NEK11: variants seen among roughly 807,000 people sequenced by gnomAD.
The protein encoded by NEK11 is serine/threonine-protein kinase Nek11.
NEK11 carries 72 observed loss-of-function variants against 80.7 expected under a neutral mutation model. That is an observed-to-expected ratio of 0.89 (90% CI 0.74 to 1.08). The LOEUF (loss-of-function observed/expected upper bound fraction) is 1.08, where lower values mean the gene tolerates loss of function less well. Among genes scored for constraint, NEK11 ranks in the 50% least tolerant of loss-of-function variants. The probability of loss-of-function intolerance (pLI) is 0.00; values close to 1 mark genes in which losing one functional copy is unlikely to be tolerated. For missense variants in NEK11, 764 were observed against 763.6 expected, an observed-to-expected ratio of 1.00 and a Z score of -0.01; for synonymous variants, 251 against 260.7, an observed-to-expected ratio of 0.96 and a Z score of 0.36.
rs546991796 is a variant in NEK11, at chr3:131,155,912, A to G, written c.962+791A>G. ...TTTGCATGATCTCCAGTTAAGATAC[A>G]CTATATACCACAGGGGGTAAATTTT... On this transcript the variant is annotated intron_variant, in intron 10 of 17. Transcript: ENST00000383366. 2.0e-5 allele frequency among the ~76,000 whole-genome samples: 3 copies of G among 152,316 alleles called. No individual in the cohort carries two copies. In the South Asian group the frequency reaches 6.2e-4, roughly 32 times the overall value.
chr3:131,193,064 A>T (rs2093862345), intron 14 of NEK11, among the ~76,000 whole-genome samples: 1 of 152,222 alleles, frequency 6.6e-6, no homozygotes, highest in African/African-American at 2.4e-5. Flanking sequence ...AACAGAATTT[A>T]AAAATAGTCA....
rs571566211 is a variant in NEK11 at position 131,272,090 on chromosome 3, A to G, written c.1622-1388A>G. Reference sequence around the variant, plus strand: ...ATTCCAGCCTGGGCAACAAGAGCGAAACTCCGTCTCAAAAAAAAGAAGAAG... The same window carrying G: ...ATTCCAGCCTGGGCAACAAGAGCGAGACTCCGTCTCAAAAAAAAGAAGAAG... On this transcript the variant is annotated intron_variant, in intron 16 of 17. Transcript: ENST00000383366. 5.3e-5 allele frequency among the ~76,000 whole-genome samples: 8 copies of G among 152,240 alleles called. No individual in the cohort carries two copies. The East Asian group carries it at 1.5e-3, about 29-fold the overall frequency.
rs186146290 is a variant in NEK11 at position 131,201,929 on chromosome 3, G to A, written c.1400-26599G>A. Reference sequence around the variant, plus strand: ...TGCTCGCTGCAATCTCTGCCTCACCGGATTCAAGCGATTCTCTGCCTCAGC... The same window carrying A: ...TGCTCGCTGCAATCTCTGCCTCACCAGATTCAAGCGATTCTCTGCCTCAGC... On this transcript the variant is annotated intron_variant, in intron 14 of 17. Transcript: ENST00000383366. 4.1e-4 allele frequency among the ~76,000 whole-genome samples: 62 copies of A among 152,202 alleles called. 1 individual carries two copies. Among genetic ancestry groups the A allele is most frequent in the Non-Finnish European group, 6.8e-4 (46 of 67,994 alleles).
chr3:131,256,360 A>C (rs1490405263), intron 16 of NEK11, among the ~76,000 whole-genome samples: 1 of 152,210 alleles, frequency 6.6e-6, no homozygotes, highest in Non-Finnish European at 1.5e-5. Context: ...TGAAAACAAA[A>C]TTTAAAACAT....
chr3:131,258,262 A>G (rs2095853072), intron 16 of NEK11, among the ~76,000 whole-genome samples: 2 of 152,126 alleles, frequency 1.3e-5, no homozygotes, highest in Non-Finnish European at 2.9e-5. Context: ...AACCATCACT[A>G]AAGAACTTAT....
chr3:131,150,257 G>C (rs766104970), intron 7 of NEK11, among the ~76,000 whole-genome samples: 14 of 151,266 alleles, frequency 9.3e-5, no homozygotes, highest in Non-Finnish European at 1.9e-4. Context: ...TGTCAATTTT[G>C]GTAAATGTTC....
At chr3:131,285,875 T>C in intron 17 of NEK11, among the ~76,000 whole-genome samples, 1 of 152,252 alleles carries the variant, frequency 6.6e-6, no homozygotes, top group Non-Finnish European at 1.5e-5. Flanking sequence ...GATAAATCGC[T>C]ATAATGAGAA....
intron 12 of NEK11, among the ~76,000 whole-genome samples, chr3:131,166,686 G>A (rs1300221515): frequency 6.6e-6 from 1 of 152,156 alleles, no homozygotes; most frequent in African/African-American, 2.4e-5. Flanking sequence ...TGTGGGATCT[G>A]TTGCAGGCTA....
intron 3 of NEK11, among the ~76,000 whole-genome samples, chr3:131,077,838 C>G (rs928192984): frequency 1.3e-5 from 2 of 152,166 alleles, no homozygotes; most frequent in African/African-American, 2.4e-5. Flanking sequence ...AAATGCCACT[C>G]CTAATAACAT....
chr3:131,269,630 G>A (rs1346098787), intron 16 of NEK11, among the ~76,000 whole-genome samples: 2 of 152,220 alleles, frequency 1.3e-5, no homozygotes, highest in African/African-American at 4.8e-5. Flanking sequence ...CCCGCCTTCT[G>A]TGTTGATCTC....
At chr3:131,163,966 C>A (rs1466656168) in intron 11 of NEK11, among the ~76,000 whole-genome samples, 1 of 151,928 alleles carries the variant, frequency 6.6e-6, no homozygotes, top group African/African-American at 2.4e-5. Context: ...GTTTAGGAGC[C>A]CCAATCAAGA....
rs567174139 is a variant in NEK11, at chr3:131,333,130, C to T, written c.1719-16427C>T. ...AAATACAGAGAACACCACAAAGATA[C>T]TCCTCAAGAAGAGCAACTCCAAGAC... On this transcript the variant is annotated intron_variant, in intron 17 of 17. Coordinates refer to ENST00000383366, the MANE Select transcript of NEK11 (RefSeq NM_024800.5). 8.9e-3 allele frequency among the ~76,000 whole-genome samples: 1,353 copies of T among 152,248 alleles called. 7 individuals are homozygous for T. Among genetic ancestry groups the T allele is most frequent in the Non-Finnish European group, 0.011 (736 of 68,024 alleles).
At chr3:131,310,702 C>G (rs370898211) in intron 17 of NEK11, among the ~76,000 whole-genome samples, 2 of 152,046 alleles carry the variant, frequency 1.3e-5, no homozygotes, top group Admixed American at 1.3e-4. Context: ...TCTAAAACAT[C>G]TGCAGAAAAA....
intron 16 of NEK11, among the ~76,000 whole-genome samples, chr3:131,271,816 T>C (rs543679694): frequency 7.3e-6 from 1 of 136,196 alleles, no homozygotes; most frequent in African/African-American, 2.8e-5. Context: ...AAAGGTCGGG[T>C]GTGGTGGCTC....
At chr3:131,141,659 A>G (rs537560469) in intron 7 of NEK11, among the ~76,000 whole-genome samples, 3 of 152,334 alleles carry the variant, frequency 2.0e-5, no homozygotes, top group South Asian at 2.1e-4. Context: ...TTTAAAATAT[A>G]TACTGGGAAT....
At chr3:131,300,293 G>A (rs2096646664) in intron 17 of NEK11, among the ~76,000 whole-genome samples, 1 of 152,134 alleles carries the variant, frequency 6.6e-6, no homozygotes, top group Non-Finnish European at 1.5e-5. Flanking sequence ...CTTGTCAGAT[G>A]TATAGTTTGT....
chr3:131,332,236 C>G (rs928965037), intron 17 of NEK11, among the ~76,000 whole-genome samples: 2 of 152,220 alleles, frequency 1.3e-5, no homozygotes, highest in Non-Finnish European at 2.9e-5. Flanking sequence ...CACACTGACA[C>G]CTCACATGGC....
chr3:131,175,006 G>A, intron 14 of NEK11: 2 of 1,311,984 alleles, frequency 1.5e-6, no homozygotes, highest in South Asian at 2.4e-5. Context: ...AGACCTGTAG[G>A]TGGTTGTGCT....
At chr3:131,116,982 T>G (rs1404655126) in intron 5 of NEK11, among the ~76,000 whole-genome samples, 2 of 152,222 alleles carry the variant, frequency 1.3e-5, no homozygotes, top group African/African-American at 4.8e-5. Context: ...TTAGTTTAAT[T>G]AGATCCCATT....
Sources: gnomAD v4.1 joint callset for allele counts (sites outside exome capture counted in the v4.1 genomes callset) on GRCh38, gnomAD v4.1.1 for gene constraint, MANE v1.5 for transcripts, NCBI Gene and HGNC (gene_info 2026-07-23, HGNC 2026-07-21) for gene names.